KHDRBS2: variants seen among roughly 807,000 people sequenced by gnomAD.
KHDRBS2 encodes the protein KH RNA binding domain containing, signal transduction associated 2.
A neutral mutation model predicts 44.3 loss-of-function variants in KHDRBS2; 26 were observed. The ratio of observed to expected loss-of-function variants is 0.59; its 90% CI spans 0.43 to 0.81. The LOEUF (loss-of-function observed/expected upper bound fraction) is 0.81. Among genes scored for constraint, KHDRBS2 ranks in the 40% least tolerant of loss-of-function variants. The pLI, the probability that KHDRBS2 is intolerant of heterozygous loss-of-function variation, is 0.00. For missense variants in KHDRBS2, 476 were observed against 433.1 expected, an observed-to-expected ratio of 1.10 and a Z score of -0.88; for synonymous variants, 194 against 151.1, an observed-to-expected ratio of 1.28 and a Z score of -2.08.
chr6:62,199,357 A>G (rs887183330), intron 1 of KHDRBS2, among the ~76,000 whole-genome samples: 1 of 152,224 alleles, frequency 6.6e-6, no homozygotes, highest in Non-Finnish European at 1.5e-5. Context: ...TCAGCCCAAA[A>G]TCTCCTTAAG....
chr6:61,840,698 TCTG>T (rs1468028473), intron 6 of KHDRBS2, among the ~76,000 whole-genome samples: 1 of 152,152 alleles, frequency 6.6e-6, no homozygotes, highest in African/African-American at 2.4e-5. Context: ...ACTGGTGACT[TCTG>T]CTCCAGCTGC....
At chr6:61,638,153 C>A in the KHDRBS2 span, among the ~76,000 whole-genome samples, 262 of 152,126 alleles carry the variant, frequency 1.7e-3, 2 homozygotes, top group African/African-American at 6.0e-3. Context: ...TTGGAGAAAG[C>A]TACTTTAAAG....
chr6:61,939,400 T>C (rs189468836), intron 4 of KHDRBS2, among the ~76,000 whole-genome samples: 1 of 152,322 alleles, frequency 6.6e-6, no homozygotes, highest in East Asian at 1.9e-4. Context: ...TTATTTTTAA[T>C]TTTCTGCTTA....
chr6:61,923,711 A>G (rs1808471342), intron 4 of KHDRBS2, among the ~76,000 whole-genome samples: 1 of 152,138 alleles, frequency 6.6e-6, no homozygotes, highest in Non-Finnish European at 1.5e-5. Flanking sequence ...AAACCAACAA[A>G]TATCATAGCA....
chr6:61,843,950 T>C (rs1234746667), intron 6 of KHDRBS2, among the ~76,000 whole-genome samples: 2 of 152,186 alleles, frequency 1.3e-5, no homozygotes, highest in African/African-American at 4.8e-5. Context: ...TTAATATGCT[T>C]AAGTGTCAAT....
intron 4 of KHDRBS2, among the ~76,000 whole-genome samples, chr6:61,938,381 A>T (rs1441547756): frequency 6.6e-6 from 1 of 152,138 alleles, no homozygotes; most frequent in Non-Finnish European, 1.5e-5. Flanking sequence ...AAGAAACAGG[A>T]TATGCTATAA....
chr6:61,987,817 T>G (rs1333060283), intron 3 of KHDRBS2, among the ~76,000 whole-genome samples: 2 of 152,198 alleles, frequency 1.3e-5, no homozygotes, highest in African/African-American at 4.8e-5. Flanking sequence ...CTAACTCTTG[T>G]CACTTCACTT....
chr6:61,910,870 CT>C, intron 4 of KHDRBS2, among the ~76,000 whole-genome samples: 1 of 152,130 alleles, frequency 6.6e-6, no homozygotes, highest in East Asian at 1.9e-4. Flanking sequence ...AAAACAACTA[CT>C]TTTTTCAATA....
chr6:62,095,305 C>A (rs189042534), intron 2 of KHDRBS2, among the ~76,000 whole-genome samples: 94 of 151,866 alleles, frequency 6.2e-4, no homozygotes, highest in African/African-American at 2.2e-3. Flanking sequence ...TAATGAAATT[C>A]TCATCAATGA....
rs767773328 is a variant in KHDRBS2 at position 61,680,975 on chromosome 6, A to G, written c.1038T>C (p.Tyr346=). ...SARGGYREHP[Y]GRY Reference sequence around the variant, plus strand: ...GTGGGAAGGACCTTCAATATCTACCATAGGGGTGTTCCCTGTATCCCCCTC... The same window carrying G: ...GTGGGAAGGACCTTCAATATCTACCGTAGGGGTGTTCCCTGTATCCCCCTC... Residue 346 remains tyrosine, a synonymous_variant, in exon 9 of 9, where the codon TAT becomes TAC. Coordinates refer to ENST00000281156, the MANE Select transcript of KHDRBS2 (RefSeq NM_152688.4). The G allele has an allele frequency of 1.9e-6, 3 of 1,609,386 alleles. No homozygotes were observed. The highest frequency in any genetic ancestry group is 3.3e-5 in the Admixed American group (2 of 59,726).
chr6:61,568,516 A>G, the KHDRBS2 span, among the ~76,000 whole-genome samples: 1 of 152,318 alleles, frequency 6.6e-6, no homozygotes, highest in East Asian at 1.9e-4. Flanking sequence ...ACATACCAAG[A>G]AAACAGAAAA....
chr6:62,257,034 G>A (rs548839996), intron 1 of KHDRBS2, among the ~76,000 whole-genome samples: 1 of 152,142 alleles, frequency 6.6e-6, no homozygotes, highest in African/African-American at 2.4e-5. Flanking sequence ...TCCTCAAACT[G>A]CTAAACATAT....
At chr6:62,020,495 T>C (rs1782058613) in intron 3 of KHDRBS2, among the ~76,000 whole-genome samples, 1 of 152,040 alleles carries the variant, frequency 6.6e-6, no homozygotes, top group African/African-American at 2.4e-5. Context: ...AACTCTTCTC[T>C]ATCCTTAATG....
At chr6:62,072,933 T>C (rs550645094) in intron 2 of KHDRBS2, among the ~76,000 whole-genome samples, 4 of 152,138 alleles carry the variant, frequency 2.6e-5, no homozygotes, top group Admixed American at 2.0e-4. Context: ...CTCCCCCTTG[T>C]ACCTCTGGTA....
chr6:61,980,670 G>A (rs1773652076), intron 3 of KHDRBS2, among the ~76,000 whole-genome samples: 1 of 152,090 alleles, frequency 6.6e-6, no homozygotes, highest in African/African-American at 2.4e-5. Flanking sequence ...GGACCCAGAT[G>A]GCATGGCAAA....
chr6:61,632,351 A>C, the KHDRBS2 span, among the ~76,000 whole-genome samples: 2 of 152,140 alleles, frequency 1.3e-5, no homozygotes, highest in Non-Finnish European at 2.9e-5. Context: ...AGGAGGAAGA[A>C]AACACTTAAG....
the KHDRBS2 span, among the ~76,000 whole-genome samples, chr6:61,581,329 C>T: frequency 6.6e-6 from 1 of 152,156 alleles, no homozygotes; most frequent in African/African-American, 2.4e-5. Context: ...TATCTACTAA[C>T]AAACTTTTAC....
chr6:61,615,201 C>T, the KHDRBS2 span, among the ~76,000 whole-genome samples: 3 of 121,952 alleles, frequency 2.5e-5, no homozygotes, highest in Non-Finnish European at 4.8e-5. Context: ...CCACTGCACT[C>T]CAGCCTGGGT....
intron 6 of KHDRBS2, among the ~76,000 whole-genome samples, chr6:61,744,439 G>A (rs1415147516): frequency 3.9e-5 from 6 of 152,086 alleles, no homozygotes; most frequent in South Asian, 2.1e-4. Context: ...AGCTGCAAGT[G>A]CAGTCCTGAT....
Sources: allele counts gnomAD v4.1 joint callset (sites outside exome capture counted in the v4.1 genomes callset), GRCh38; gene constraint gnomAD v4.1.1; transcripts MANE v1.5; gene names NCBI Gene and HGNC (gene_info 2026-07-23, HGNC 2026-07-21).